The following ZNF469 variants were observed in gnomAD, a reference collection of about 807,000 sequenced individuals.
The protein encoded by ZNF469 is zinc finger protein 469.
In ZNF469, 1 loss-of-function variant was observed where a neutral mutation model predicts 1.0. The observed-to-expected ratio is 1.00, with a 90% CI of 0.35 to 4.73. The LOEUF is 4.73. Among genes scored for constraint, ZNF469 ranks in the 30% most tolerant of loss-of-function variants. The pLI is 0.16. For missense variants in ZNF469, 6,100 were observed against 5,356.3 expected, an observed-to-expected ratio of 1.14 and a Z score of -4.33; for synonymous variants, 2,703 against 2,363.4, an observed-to-expected ratio of 1.14 and a Z score of -4.17.
the ZNF469 span, among the ~76,000 whole-genome samples, chr16:88,369,948 G>A: frequency 6.6e-6 from 1 of 152,346 alleles, no homozygotes; most frequent in Non-Finnish European, 1.5e-5. Context: ...GACCACTTGG[G>A]CTGAGGCCAC....
At chr16:88,102,287 C>T in the ZNF469 span, among the ~76,000 whole-genome samples, 4 of 152,118 alleles carry the variant, frequency 2.6e-5, no homozygotes, top group African/African-American at 7.2e-5. Context: ...GAGGCCAAGG[C>T]GGGTGGATCA....
chr16:88,267,251 G>C, the ZNF469 span, among the ~76,000 whole-genome samples: 1 of 152,200 alleles, frequency 6.6e-6, no homozygotes, highest in African/African-American at 2.4e-5. Context: ...GGCTGCCATG[G>C]AGCCCCGCCT....
the ZNF469 span, among the ~76,000 whole-genome samples, chr16:88,117,175 ATGTGAGGGCCGGGGATG>A: frequency 2.5e-4 from 14 of 55,060 alleles, no homozygotes; most frequent in East Asian, 3.3e-3. Flanking sequence ...AACTGGGGGC[ATGTGAGGGCCGGGGATG>A]TGTGAGGGCC....
chr16:88,388,786 A>G (rs1369611860), intron 1 of ZNF469, among the ~76,000 whole-genome samples: 1 of 151,236 alleles, frequency 6.6e-6, no homozygotes, highest in Non-Finnish European at 1.5e-5. Context: ...GCCAATCTCC[A>G]TACTGGAGGA....
the ZNF469 span, among the ~76,000 whole-genome samples, chr16:88,319,902 C>A: frequency 2.4e-4 from 37 of 152,242 alleles, no homozygotes; most frequent in African/African-American, 8.4e-4. Context: ...TTTCTCCAGT[C>A]TCCAAAGCCA....
Position 88,432,015 on chromosome 16 carries a change from T to A in ZNF469, c.4545T>A (p.Phe1515Leu). The change falls in exon 3 of 3, where the codon TTT becomes TTA. Residue 1515 changes from phenylalanine to leucine, a missense_variant. Phe to Leu is a conservative substitution (Grantham distance 22). Transcript: ENST00000565624. ...EEVSPMLPSH[F>L]PDLSGGKVLS... ...TATCCCCGATGCTGCCTAGCCATTT[T>A]CCTGATCTCTCGGGGGGAAAGGTGC... 6.5e-7 allele frequency: 1 copy of A among 1,550,286 alleles called. No homozygotes were observed. The highest frequency in any genetic ancestry group is 2.4e-5 in the East Asian group (1 of 40,914).
At chr16:88,238,534 C>G in the ZNF469 span, among the ~76,000 whole-genome samples, 2 of 152,218 alleles carry the variant, frequency 1.3e-5, no homozygotes, top group South Asian at 4.1e-4. Context: ...TGGGTCTTTC[C>G]AAGCCAACTT....
At chr16:88,359,611 C>G in the ZNF469 span, among the ~76,000 whole-genome samples, 1 of 152,214 alleles carries the variant, frequency 6.6e-6, no homozygotes, top group Non-Finnish European at 1.5e-5. Context: ...GTCCACTTAT[C>G]TAAGATCATC....
Position 88,416,088 on chromosome 16 carries a change from G to A in ZNF469, c.-191-8719G>A, listed in dbSNP as rs956159052. ...ATATGATTCCGAACCCCACAGCAGCGGGAGAGTAATTAACGCAGCCACCAG... is the reference window on the plus strand; with the variant it reads ...ATATGATTCCGAACCCCACAGCAGCAGGAGAGTAATTAACGCAGCCACCAG... On this transcript the variant is annotated intron_variant, in intron 1 of 2. Transcript: ENST00000565624. Among the ~76,000 whole-genome samples, 10 of 152,286 alleles carry A rather than the reference G, an allele frequency of 6.6e-5. No individual in the cohort carries two copies. The East Asian group carries it at 1.4e-3, about 21-fold the overall frequency.
At position 88,435,773 on chromosome 16, in the gene ZNF469, A is replaced by T; in HGVS notation, c.8303A>T (p.Lys2768Ile). ...PRETKALGVC[K>I]ESGSEPAEDS... is the part of the protein sequence containing the mutation. ...GAGACCAAGGCGTTGGGTGTGTGCA[A>T]AGAGTCTGGGAGCGAGCCTGCGGAG... is the stretch of plus-strand genomic sequence containing the variant. Residue 2768 changes from lysine (K) to isoleucine (I), a missense_variant, in exon 3 of 3, where the codon AAA (lysine) becomes ATA (isoleucine). Coordinates refer to ENST00000565624, the MANE Select transcript of ZNF469 (RefSeq NM_001367624.2). 1.3e-6 allele frequency: 2 copies of T among 1,550,580 alleles called. No homozygotes were observed. The highest frequency in any genetic ancestry group is 4.9e-5 in the East Asian group (2 of 40,930).
the ZNF469 span, among the ~76,000 whole-genome samples, chr16:88,349,148 C>T: frequency 6.6e-6 from 1 of 152,176 alleles, no homozygotes; most frequent in African/African-American, 2.4e-5. Context: ...CCACTCGTCC[C>T]CCCTCACCAG....
the ZNF469 span, among the ~76,000 whole-genome samples, chr16:88,127,029 G>T: frequency 6.6e-6 from 1 of 152,074 alleles, no homozygotes; most frequent in African/African-American, 2.4e-5. Context: ...CACCATGTTG[G>T]CCAGGCTGGT....
chr16:88,135,470 C>G, the ZNF469 span, among the ~76,000 whole-genome samples: 5 of 152,212 alleles, frequency 3.3e-5, no homozygotes, highest in African/African-American at 1.2e-4. Flanking sequence ...AGTGCCAGCC[C>G]GTGGCTGCTT....
chr16:88,203,177 C>T, the ZNF469 span, among the ~76,000 whole-genome samples: 304 of 152,262 alleles, frequency 2.0e-3, no homozygotes, highest in African/African-American at 6.5e-3. Flanking sequence ...GGAGCATCCT[C>T]GAGTTGCCCA....
the ZNF469 span, among the ~76,000 whole-genome samples, chr16:88,123,383 G>A: frequency 0.18 from 27,554 of 152,072 alleles, 3,115 homozygotes; most frequent in African/African-American, 0.32. Flanking sequence ...GATATACTGC[G>A]GTTTGTTTGC....
chr16:88,155,356 C>T, the ZNF469 span, among the ~76,000 whole-genome samples: 3 of 152,242 alleles, frequency 2.0e-5, no homozygotes, highest in Non-Finnish European at 1.5e-5. Flanking sequence ...TTAAAGTGTA[C>T]AAGTCAGTGA....
chr16:88,385,353 G>C (rs928959090), intron 1 of ZNF469, among the ~76,000 whole-genome samples: 2 of 152,044 alleles, frequency 1.3e-5, no homozygotes, highest in African/African-American at 4.8e-5. Flanking sequence ...TAATAATTCA[G>C]TTACCAGCCG....
chr16:88,215,617 T>C, the ZNF469 span, among the ~76,000 whole-genome samples: 3 of 152,030 alleles, frequency 2.0e-5, no homozygotes, highest in Non-Finnish European at 4.4e-5. Context: ...CTCGAACTCC[T>C]GACCTCAGAT....
the ZNF469 span, among the ~76,000 whole-genome samples, chr16:88,209,482 G>A: frequency 3.9e-5 from 6 of 152,022 alleles, no homozygotes; most frequent in South Asian, 2.1e-4. Flanking sequence ...TAGTAGAGAC[G>A]GGGTTTCACT....
Sources: allele counts gnomAD v4.1 joint callset (sites outside exome capture counted in the v4.1 genomes callset), GRCh38; gene constraint gnomAD v4.1.1; transcripts MANE v1.5; gene names NCBI Gene and HGNC (gene_info 2026-07-23, HGNC 2026-07-21).